Variants in PPP3R1 observed in about 807,000 individuals in gnomAD.
PPP3R1 encodes the protein protein phosphatase 3 regulatory subunit B, alpha, also known as calcineurin subunit B type 1.
In PPP3R1, 5 loss-of-function variants were observed where a neutral mutation model predicts 22.6. The observed-to-expected ratio is 0.22, with a 90% confidence interval of 0.12 to 0.46. PPP3R1 has a LOEUF of 0.46. PPP3R1 is among the 20% of genes least tolerant of loss of function. The pLI, the probability that PPP3R1 is intolerant of heterozygous loss-of-function variation, is 0.99. For synonymous variants in PPP3R1, 56 were observed against 65.2 expected (o/e 0.86, Z 0.68); for missense variants, 61 against 203.2 (o/e 0.30, Z 4.25).
chr2:68,223,583 A>T (rs781484962), intron 1 of PPP3R1, among the ~76,000 whole-genome samples: 2 of 152,192 alleles, frequency 1.3e-5, no homozygotes, highest in Non-Finnish European at 2.9e-5. Context: ...CAGAGGAAAA[A>T]AAAAGAAAAA....
intron 2 of PPP3R1, among the ~76,000 whole-genome samples, chr2:68,204,038 G>A (rs1675052109): frequency 6.6e-6 from 1 of 152,034 alleles, no homozygotes; most frequent in Non-Finnish European, 1.5e-5. Flanking sequence ...GAATTACACT[G>A]GCTTTATCAA....
chr2:68,182,904 A>G (rs1165608696), intron 5 of PPP3R1, among the ~76,000 whole-genome samples: 1 of 152,142 alleles, frequency 6.6e-6, no homozygotes, highest in African/African-American at 2.4e-5. Flanking sequence ...TTCTAAATAC[A>G]TTCAACTAAA....
At chr2:68,210,361 C>T (rs1381927847) in intron 2 of PPP3R1, among the ~76,000 whole-genome samples, 2 of 152,162 alleles carry the variant, frequency 1.3e-5, no homozygotes, top group African/African-American at 2.4e-5. Context: ...CCAAAAGTAA[C>T]CAGCCCATCC....
intron 4 of PPP3R1, 82 bp downstream of exon 4, chr2:68,187,173 C>T: frequency 8.8e-7 from 1 of 1,135,902 alleles, no homozygotes. Flanking sequence ...ACATCTTTTT[C>T]ATTATTTTAA....
chr2:68,215,289 T>A (rs1435196278), intron 2 of PPP3R1, among the ~76,000 whole-genome samples: 1 of 150,552 alleles, frequency 6.6e-6, no homozygotes, highest in Non-Finnish European at 1.5e-5. Flanking sequence ...AATAAAAGTT[T>A]AAAAAAAAAC....
At chr2:68,213,911 T>C (rs1325870511) in intron 2 of PPP3R1, among the ~76,000 whole-genome samples, 1 of 152,170 alleles carries the variant, frequency 6.6e-6, no homozygotes, top group Non-Finnish European at 1.5e-5. Context: ...AAGACCTGAC[T>C]TGAAGCTATA....
chr2:68,202,676 C>T (rs536022018), intron 2 of PPP3R1, among the ~76,000 whole-genome samples: 1 of 151,960 alleles, frequency 6.6e-6, no homozygotes, highest in Admixed American at 6.6e-5. Flanking sequence ...CCACTTGCCT[C>T]GGTCTCCCAA....
rs950016657 is a variant in PPP3R1, at chr2:68,179,415, C to T, written c.*1548G>A. 1 of 152,586 alleles carries T rather than the reference C, an allele frequency of 6.6e-6. No homozygotes were observed. The highest frequency in any genetic ancestry group is 2.4e-5 in the African/African-American group (1 of 41,460). The allele number at this position is 152,586 out of a possible 1,614,324, so 9.5% of individuals were successfully genotyped here. A position where few individuals can be genotyped will look rare whatever the true frequency, so the allele number is the denominator to read the frequency against. ...CTCCATGTCATGCAAGGACACCAAGCACCGGGATTTTTCTCTCACAGACAG... is the reference window on the plus strand; with the variant it reads ...CTCCATGTCATGCAAGGACACCAAGTACCGGGATTTTTCTCTCACAGACAG... On this transcript the variant is annotated 3_prime_UTR_variant, in exon 6 of 6. Transcript: ENST00000234310.
At chr2:68,204,362 A>G (rs1346247653) in intron 2 of PPP3R1, among the ~76,000 whole-genome samples, 1 of 150,250 alleles carries the variant, frequency 6.7e-6, no homozygotes, top group Non-Finnish European at 1.5e-5. Context: ...TGATATATAT[A>G]TATCAGAATA....
chr2:68,207,371 T>C (rs1156710905), intron 2 of PPP3R1, among the ~76,000 whole-genome samples: 1 of 152,070 alleles, frequency 6.6e-6, no homozygotes, highest in Admixed American at 6.5e-5. Context: ...TTAATCAAAG[T>C]ATTGATTAAA....
chr2:68,244,776 T>C (rs1670203367), intron 1 of PPP3R1, among the ~76,000 whole-genome samples: 1 of 151,980 alleles, frequency 6.6e-6, no homozygotes, highest in African/African-American at 2.4e-5. Flanking sequence ...AAAAAGAAAC[T>C]GACACTCACT....
At chr2:68,245,604 T>C (rs1185331312) in intron 1 of PPP3R1, among the ~76,000 whole-genome samples, 1 of 152,266 alleles carries the variant, frequency 6.6e-6, no homozygotes, top group Non-Finnish European at 1.5e-5. Context: ...CATCAGTTTC[T>C]AACTCTTTTC....
intron 2 of PPP3R1, among the ~76,000 whole-genome samples, chr2:68,197,849 T>A (rs1279728212): frequency 6.6e-6 from 1 of 151,850 alleles, no homozygotes; most frequent in African/African-American, 2.4e-5. Context: ...TTATGATTCC[T>A]GTTTTGTGTG....
chr2:68,196,733 A>AT (rs995642765), intron 2 of PPP3R1, among the ~76,000 whole-genome samples: 52 of 146,726 alleles, frequency 3.5e-4, no homozygotes, highest in East Asian at 5.9e-4. Flanking sequence ...TAAAAATGCT[A>AT]TTTTTTTTTT....
chr2:68,252,269 GGCGGCGCC>G lies in PPP3R1; in HGVS notation c.-150_-143del. 9.5e-7 allele frequency: 1 copy of G among 1,054,070 alleles called. No homozygotes were observed. The allele number at this position is 1,054,070 out of a possible 1,614,324, so 65.3% of individuals were successfully genotyped here. A position where few individuals can be genotyped will look rare whatever the true frequency, so the allele number is the denominator to read the frequency against. ...GAGGGGGCGCGCGTGGGGGAGGGGA[GGCGGCGCC>G]GCGGGGCCCGCGCCGGCCGGGCGAT... On this transcript the variant is annotated 5_prime_UTR_variant, in exon 1 of 6. Coordinates refer to ENST00000234310, the MANE Select transcript of PPP3R1 (RefSeq NM_000945.4).
At chr2:68,219,715 GA>G (rs1669648559) in intron 1 of PPP3R1, among the ~76,000 whole-genome samples, 1 of 152,134 alleles carries the variant, frequency 6.6e-6, no homozygotes, top group Non-Finnish European at 1.5e-5. Context: ...TACTGTGAGA[GA>G]CATACCCAAT....
At chr2:68,250,960 T>G (rs765604790) in intron 1 of PPP3R1, 1 of 152,206 alleles carries the variant, frequency 6.6e-6, no homozygotes, top group Non-Finnish European at 1.5e-5. Context: ...TGGGATACCA[T>G]ACAGTGGAAA....
At chr2:68,206,947 T>TAGG (rs1675139748) in intron 2 of PPP3R1, among the ~76,000 whole-genome samples, 1 of 152,056 alleles carries the variant, frequency 6.6e-6, no homozygotes, top group South Asian at 2.1e-4. Flanking sequence ...TGGCTTGAGC[T>TAGG]AGGTATGGAA....
In PPP3R1 at chr2:68,203,311, G is replaced by GC. The variant is rs1432217583; in HGVS notation, c.43+13780dup. Among the ~76,000 whole-genome samples, 3 of 152,072 alleles carry GC rather than the reference G, an allele frequency of 2.0e-5. 1 individual carries two copies. Among genetic ancestry groups the GC allele is most frequent in the Admixed American group, 1.3e-4 (2 of 15,264 alleles). ...GCATACAATGTTTTAACAATAAATGGCATTTTAGGGCCAGGCACAGTGGCT... is the reference window on the plus strand; with the variant it reads ...GCATACAATGTTTTAACAATAAATGGCCATTTTAGGGCCAGGCACAGTGGCT... On this transcript the variant is annotated intron_variant, in intron 2 of 5. Transcript: ENST00000234310.
Sources: allele counts gnomAD v4.1 joint callset (sites outside exome capture counted in the v4.1 genomes callset), GRCh38; gene constraint gnomAD v4.1.1; transcripts MANE v1.5; gene names NCBI Gene and HGNC (gene_info 2026-07-23, HGNC 2026-07-21).